PDZK1: variants seen among roughly 807,000 people sequenced by gnomAD.
The protein encoded by PDZK1 is Na(+)/H(+) exchange regulatory cofactor NHE-RF3.
PDZK1 carries 23 observed loss-of-function variants against 38.1 expected under a neutral mutation model. The ratio of observed to expected loss-of-function variants is 0.60; its 90% confidence interval spans 0.43 to 0.85. PDZK1 has a LOEUF of 0.85. PDZK1 is among the 40% of genes least tolerant of loss of function. PDZK1 has a pLI of 0.00. For synonymous variants in PDZK1, 98 were observed against 186.2 expected, an observed-to-expected ratio of 0.53 and a Z score of 3.86; for missense variants, 297 against 504.3, an observed-to-expected ratio of 0.59 and a Z score of 3.94.
chr1:145,703,192 G>A (rs1656064953), intron 1 of PDZK1, among the ~76,000 whole-genome samples: 1 of 152,118 alleles, frequency 6.6e-6, no homozygotes, highest in Admixed American at 6.5e-5. Flanking sequence ...CTGAATTTCA[G>A]TTATCGCTCA....
chr1:145,672,038 G>C (rs1208689070), intron 8 of PDZK1, among the ~76,000 whole-genome samples: 1 of 152,026 alleles, frequency 6.6e-6, no homozygotes, highest in Non-Finnish European at 1.5e-5. Context: ...TCTCGGCTTT[G>C]CTATAAATTT....
chr1:145,680,320 A>G (rs1300827269), intron 5 of PDZK1, among the ~76,000 whole-genome samples: 1 of 152,166 alleles, frequency 6.6e-6, no homozygotes, highest in Non-Finnish European at 1.5e-5. Context: ...TGAAAAGAAA[A>G]TAACAACTTA....
intron 1 of PDZK1, among the ~76,000 whole-genome samples, chr1:145,695,680 C>G (rs1655589600): frequency 6.6e-6 from 1 of 151,958 alleles, no homozygotes; most frequent in South Asian, 2.1e-4. Flanking sequence ...AGTTGGGTTC[C>G]AAGAAGGGCA....
At chr1:145,676,606 A>G (rs1168960713) in intron 6 of PDZK1, among the ~76,000 whole-genome samples, 2 of 148,568 alleles carry the variant, frequency 1.3e-5, no homozygotes, top group African/African-American at 4.9e-5. Flanking sequence ...CGCACCTGTA[A>G]TTCCAGCTAC....
intron 1 of PDZK1, among the ~76,000 whole-genome samples, chr1:145,693,526 T>C (rs1320184916): frequency 6.7e-6 from 1 of 149,328 alleles, no homozygotes; most frequent in Non-Finnish European, 1.5e-5. Context: ...CTCAGCACTT[T>C]GGGAGGCCGA....
At chr1:145,698,572 A>G (rs1655767322) in intron 1 of PDZK1, among the ~76,000 whole-genome samples, 1 of 152,160 alleles carries the variant, frequency 6.6e-6, no homozygotes, top group Admixed American at 6.5e-5. Flanking sequence ...ACAGTAATAT[A>G]CATCAAGAAT....
chr1:145,672,683 C>A (rs1232461799), intron 8 of PDZK1, 47 bp downstream of exon 8: 1 of 1,607,928 alleles, frequency 6.2e-7, no homozygotes, highest in Admixed American at 1.7e-5. Flanking sequence ...GGACTGTACC[C>A]ATACTCTAGT....
At position 145,686,667 on chromosome 1, in the gene PDZK1, A is replaced by T; in HGVS notation, c.270T>A (p.Asp90Glu). Residue 90 changes from aspartate (D) to glutamate (E), a missense_variant, in exon 3 of 9, where the codon GAT (aspartate) becomes GAA (glutamate). Physicochemically the swap from Asp to Glu is conservative, Grantham distance 45. This residue lies in a region of PDZK1 where 159 missense variants were observed against 200.0 expected (regional missense o/e 0.79). Transcript: ENST00000417171. Reference protein sequence around the residue: ...NSVTLLVLDGDSYEKAVKTRV... With the variant: ...NSVTLLVLDGESYEKAVKTRV... ...GTGTTTTCACTGCTTTCTCATAGGA[A>T]TCCCCATCCAGAACTAGTAAAGTCA... 6.3e-7 allele frequency: 1 copy of T among 1,580,620 alleles called. No homozygotes were observed. Among genetic ancestry groups the T allele is most frequent in the Non-Finnish European group, 8.7e-7 (1 of 1,154,880 alleles).
intron 5 of PDZK1, among the ~76,000 whole-genome samples, chr1:145,680,126 T>C (rs1553700026): frequency 1.3e-5 from 2 of 152,268 alleles, no homozygotes; most frequent in African/African-American, 2.4e-5. Context: ...GATCTGCCCC[T>C]GTATGAAGGT....
chr1:145,693,463 C>A (rs1463213616), intron 1 of PDZK1, among the ~76,000 whole-genome samples: 10 of 152,008 alleles, frequency 6.6e-5, no homozygotes, highest in African/African-American at 2.4e-4. Context: ...ATCAAAGGAA[C>A]TAGAGCTTAA....
chr1:145,692,685 C>T (rs1364316737), intron 1 of PDZK1, among the ~76,000 whole-genome samples: 4 of 144,544 alleles, frequency 2.8e-5, no homozygotes, highest in East Asian at 2.0e-4. Flanking sequence ...CACTCCAGCT[C>T]GACAACAGTG....
intron 1 of PDZK1, among the ~76,000 whole-genome samples, chr1:145,697,833 T>C: frequency 7.6e-6 from 1 of 132,178 alleles, no homozygotes; most frequent in Non-Finnish European, 1.6e-5. Flanking sequence ...TTGGTCAGGC[T>C]GGTCTCAAAC....
chr1:145,674,238 G>A (rs1326550499), intron 6 of PDZK1: 3 of 985,146 alleles, frequency 3.0e-6, no homozygotes, highest in Non-Finnish European at 3.6e-6. Flanking sequence ...CTCCCTGTTG[G>A]GAAATGACAT....
At chr1:145,683,828 T>TAGAA (rs1654491022) in intron 3 of PDZK1, among the ~76,000 whole-genome samples, 2 of 151,082 alleles carry the variant, frequency 1.3e-5, no homozygotes, top group African/African-American at 4.9e-5. Flanking sequence ...TTTCACTTAA[T>TAGAA]AGAAGCACTT....
At chr1:145,677,846 T>G (rs1441424979) in intron 6 of PDZK1, among the ~76,000 whole-genome samples, 1 of 132,876 alleles carries the variant, frequency 7.5e-6, no homozygotes, top group African/African-American at 3.1e-5. Context: ...GCAAGACAGA[T>G]GGTACTTAGA....
chr1:145,684,415 AGCCAGGATGGTCTCGATCTCCT>A (rs1654566929), intron 3 of PDZK1, among the ~76,000 whole-genome samples: 1 of 151,734 alleles, frequency 6.6e-6, no homozygotes, highest in South Asian at 2.1e-4. Flanking sequence ...TCACCGTGTT[AGCCAGGATGGTCTCGATCTCCT>A]GACCTCATGA....
chr1:145,698,829 G>C (rs1655783514), intron 1 of PDZK1, among the ~76,000 whole-genome samples: 1 of 152,096 alleles, frequency 6.6e-6, no homozygotes, highest in Non-Finnish European at 1.5e-5. Flanking sequence ...ATACTCCGGA[G>C]GCTGAGACAG....
rs185763029 is a variant in PDZK1, at chr1:145,696,241, G to C, written c.-2-8218C>G. ...TCTGTAGCCACTCACTTATCTGCCT[G>C]CTTCTCCGCAAGGGCCAGCTGTATA... is the stretch of plus-strand genomic sequence containing the variant. On this transcript the variant is annotated intron_variant, in intron 1 of 8. Transcript: ENST00000417171. Among the ~76,000 whole-genome samples the C allele has an allele frequency of 6.8e-4, 104 of 152,292 alleles. 1 individual carries two copies. Among genetic ancestry groups the C allele is most frequent in the Non-Finnish European group, 3.7e-4 (25 of 68,036 alleles).
intron 3 of PDZK1, among the ~76,000 whole-genome samples, chr1:145,682,940 T>G (rs1199353186): frequency 6.6e-6 from 1 of 151,138 alleles, no homozygotes; most frequent in Non-Finnish European, 1.5e-5. Context: ...GAGATCTACA[T>G]GTTTTGTGGC....
Sources: gnomAD v4.1 joint callset for allele counts (sites outside exome capture counted in the v4.1 genomes callset) on GRCh38, gnomAD v4.1.1 for gene constraint, gnomAD v4.1.1 regional missense constraint, MANE v1.5 for transcripts, NCBI Gene and HGNC (gene_info 2026-07-23, HGNC 2026-07-21) for gene names.